The following STRN3 variants were observed in gnomAD, a reference collection of about 807,000 sequenced individuals.
The protein encoded by STRN3 is striatin 3.
STRN3 carries 29 observed loss-of-function variants against 95.6 expected under a neutral mutation model. The ratio of observed to expected loss-of-function variants is 0.30; its 90% CI spans 0.23 to 0.41. STRN3 has a LOEUF of 0.41. Ranked by LOEUF, STRN3 falls within the 10% of genes least tolerant of loss-of-function variation. The pLI is 1.00. For missense variants in STRN3, 890 were observed against 972.1 expected (o/e 0.92, Z 1.12); for synonymous variants, 331 against 357.6 (o/e 0.93, Z 0.84).
intron 1 of STRN3, among the ~76,000 whole-genome samples, chr14:30,994,450 T>A (rs1384911184): frequency 6.6e-6 from 1 of 152,192 alleles, no homozygotes; most frequent in Non-Finnish European, 1.5e-5. Context: ...AAATTATTTC[T>A]CCTTTAAGGT....
chr14:30,940,872 G>A (rs1879059598), intron 5 of STRN3, among the ~76,000 whole-genome samples: 1 of 151,940 alleles, frequency 6.6e-6, no homozygotes, highest in Non-Finnish European at 1.5e-5. Flanking sequence ...GTCTACATGG[G>A]TGCCATGGTC....
chr14:30,929,967 A>AAAAAAAAAAAAACAAAAAC lies in STRN3; in HGVS notation c.989-657_989-656insGTTTTTGTTTTTTTTTTTT, dbSNP rs1555317337. The stretch of plus-strand genomic sequence containing the variant: ...AACTAAGATTAGCAAAAAAAAAAAA[A>AAAAAAAAAAAAACAAAAAC]AAAAAAAAAAAACTCAAATTCCACT... On this transcript the variant is annotated intron_variant, in intron 7 of 17. Coordinates refer to ENST00000357479, the MANE Select transcript of STRN3 (RefSeq NM_001083893.2). Among the ~76,000 whole-genome samples, 41 of 91,212 alleles carry AAAAAAAAAAAAACAAAAAC rather than the reference A, an allele frequency of 4.5e-4. 1 individual carries two copies. Among genetic ancestry groups the AAAAAAAAAAAAACAAAAAC allele is most frequent in the Admixed American group, 6.8e-4 (5 of 7,324 alleles). 59.8% of individuals were successfully genotyped at this position (91,212 alleles called of 152,430 possible). A position where few individuals can be genotyped will look rare whatever the true frequency, so the allele number is the denominator to read the frequency against.
chr14:30,955,663 C>T lies in STRN3; in HGVS notation c.417G>A (p.Thr139=), dbSNP rs563276807. 19 of 1,580,230 alleles carry T rather than the reference C, an allele frequency of 1.2e-5. No homozygotes were observed. The South Asian group carries it at 1.3e-4, about 11-fold the overall frequency. Residue 139 remains threonine (T), a synonymous_variant, in exon 3 of 18, where the codon ACG becomes ACA. Transcript: ENST00000357479. ...RAKYHKLKYG[T]ELNQGDLKMP... is the part of the protein sequence containing the mutation. ...TTTTCAAGTCACCTTGGTTCAGTTC[C>T]GTGCCATATTTTAATTTGTGATATT...
chr14:31,003,624 A>G (rs1041203618), intron 1 of STRN3, among the ~76,000 whole-genome samples: 1 of 152,120 alleles, frequency 6.6e-6, no homozygotes, highest in African/African-American at 2.4e-5. Context: ...GCCTTCAGCC[A>G]TGAGTGGAAG....
intron 1 of STRN3, among the ~76,000 whole-genome samples, chr14:30,991,049 G>A (rs916798810): frequency 2.6e-5 from 4 of 152,190 alleles, no homozygotes; most frequent in Non-Finnish European, 5.9e-5. Context: ...TGACTAATAT[G>A]AGAAAGAGAA....
At chr14:30,935,026 TA>T (rs998573853) in intron 7 of STRN3, 136 bp downstream of exon 7, 12 of 1,108,948 alleles carry the variant, frequency 1.1e-5, no homozygotes, top group Non-Finnish European at 1.5e-5. Context: ...ACCTTGATAT[TA>T]TTCAAAACCA....
chr14:31,025,600 C>G (rs1883796526), intron 1 of STRN3: 1 of 468,226 alleles, frequency 2.1e-6, no homozygotes, highest in African/African-American at 2.0e-5. Context: ...GGTCCCAAGC[C>G]CCGGAGGCCC....
chr14:30,915,127 A>T (rs1279132151), intron 9 of STRN3, among the ~76,000 whole-genome samples: 1 of 152,200 alleles, frequency 6.6e-6, no homozygotes, highest in Non-Finnish European at 1.5e-5. Context: ...AAAGGGACAC[A>T]TTATACAAAA....
intron 1 of STRN3, among the ~76,000 whole-genome samples, chr14:30,972,354 C>T (rs1211825380): frequency 6.6e-6 from 1 of 152,158 alleles, no homozygotes; most frequent in African/African-American, 2.4e-5. Context: ...TGCGTCTAAC[C>T]CTAGTCAACA....
At chr14:30,939,970 T>G (rs933719657) in intron 5 of STRN3, among the ~76,000 whole-genome samples, 6 of 152,138 alleles carry the variant, frequency 3.9e-5, no homozygotes, top group African/African-American at 1.4e-4. Flanking sequence ...TAAATCACAT[T>G]ACAATGACTC....
intron 3 of STRN3, among the ~76,000 whole-genome samples, chr14:30,953,722 C>T (rs1264292149): frequency 2.6e-5 from 4 of 152,132 alleles, no homozygotes; most frequent in Non-Finnish European, 4.4e-5. Flanking sequence ...CTTGACCTCC[C>T]GGGCTCACGC....
intron 13 of STRN3, among the ~76,000 whole-genome samples, chr14:30,909,185 C>A (rs2138980061): frequency 6.6e-6 from 1 of 152,306 alleles, no homozygotes; most frequent in Non-Finnish European, 1.5e-5. Flanking sequence ...AACTACTGAA[C>A]TGTAGACTTT....
chr14:30,919,890 TAGC>T (rs923253827), intron 8 of STRN3, among the ~76,000 whole-genome samples: 2 of 152,098 alleles, frequency 1.3e-5, no homozygotes, highest in South Asian at 2.1e-4. Flanking sequence ...ACTTTAGAAA[TAGC>T]AGAATTATTT....
intron 8 of STRN3, among the ~76,000 whole-genome samples, chr14:30,927,594 T>C (rs1189759086): frequency 1.3e-5 from 2 of 151,384 alleles, no homozygotes; most frequent in South Asian, 4.2e-4. Flanking sequence ...AGCAATCCAC[T>C]AGTAAAATAA....
At chr14:30,914,166 T>C (rs564689702) in intron 9 of STRN3, among the ~76,000 whole-genome samples, 3 of 152,150 alleles carry the variant, frequency 2.0e-5, no homozygotes, top group Non-Finnish European at 4.4e-5. Context: ...TAAAAACTAG[T>C]ACAAACATTG....
chr14:30,931,454 G>A (rs770368940), intron 7 of STRN3, among the ~76,000 whole-genome samples: 7 of 152,088 alleles, frequency 4.6e-5, no homozygotes, highest in Admixed American at 6.5e-5. Context: ...ACAAAAACAC[G>A]AAATTCTATT....
chr14:31,001,954 C>T (rs1296598801), intron 1 of STRN3, among the ~76,000 whole-genome samples: 2 of 146,748 alleles, frequency 1.4e-5, no homozygotes, highest in Non-Finnish European at 3.0e-5. Flanking sequence ...CACCTGAGGT[C>T]GGGAGTTTGA....
intron 1 of STRN3, among the ~76,000 whole-genome samples, chr14:31,024,149 T>C (rs1459839164): frequency 1.3e-5 from 2 of 152,194 alleles, no homozygotes; most frequent in Admixed American, 1.3e-4. Flanking sequence ...TCTCAGCTGC[T>C]TACATTAGTG....
In STRN3 at chr14:30,936,498, A is replaced by G. The variant is rs765578786; in HGVS notation, c.843T>C (p.His281=). The G allele has an allele frequency of 1.1e-5, 17 of 1,610,520 alleles. No homozygotes were observed. The East Asian group carries it at 3.1e-4, about 30-fold the overall frequency. ...GAATATAAAATGTAATTCCTACTTT[A>G]TGTTTATTCATCCGATGTTTGTCTT... ...EGKDKHRMNK[H]KIGNEGLAAD... Residue 281 remains histidine (H), a synonymous_variant, in exon 6 of 18, where the codon CAT becomes CAC. Transcript: ENST00000357479.
Sources: allele counts gnomAD v4.1 joint callset (sites outside exome capture counted in the v4.1 genomes callset), GRCh38; gene constraint gnomAD v4.1.1; transcripts MANE v1.5; gene names NCBI Gene and HGNC (gene_info 2026-07-23, HGNC 2026-07-21).